SLC10A7: variants seen among roughly 807,000 people sequenced by gnomAD.
SLC10A7 encodes solute carrier family 10 member 7.
In SLC10A7, 29 loss-of-function variants were observed where a neutral mutation model predicts 43.2. The ratio of observed to expected loss-of-function variants is 0.67; its 90% confidence interval spans 0.50 to 0.92. The LOEUF is 0.92. Ranked by LOEUF, SLC10A7 falls within the 40% of genes least tolerant of loss-of-function variation. SLC10A7 has a pLI of 0.00. For missense variants in SLC10A7, 295 were observed against 403.2 expected (o/e 0.73, Z 2.30); for synonymous variants, 152 against 144.8 (o/e 1.05, Z -0.35).
At chr4:146,426,821 G>A (rs1465415069) in intron 5 of SLC10A7, among the ~76,000 whole-genome samples, 1 of 152,186 alleles carries the variant, frequency 6.6e-6, no homozygotes, top group Admixed American at 6.5e-5. Context: ...GTTGCAGTGA[G>A]CCAAGATAGC....
intron 4 of SLC10A7, among the ~76,000 whole-genome samples, chr4:146,457,123 A>C (rs1254664644): frequency 6.6e-6 from 1 of 151,922 alleles, no homozygotes; most frequent in East Asian, 1.9e-4. Context: ...TGTTCCAATA[A>C]AACTTTATCT....
intron 7 of SLC10A7, among the ~76,000 whole-genome samples, chr4:146,302,954 C>G: frequency 6.6e-6 from 1 of 152,162 alleles, no homozygotes; most frequent in South Asian, 2.1e-4. Context: ...GAATGAGATA[C>G]TTATACCCAC....
chr4:146,469,205 G>A (rs1417742092), intron 4 of SLC10A7, among the ~76,000 whole-genome samples: 4 of 152,178 alleles, frequency 2.6e-5, no homozygotes, highest in Admixed American at 2.0e-4. Flanking sequence ...TTCTCCAACT[G>A]TGGCCTTTCT....
At chr4:146,417,583 T>C (rs754512022) in intron 5 of SLC10A7, among the ~76,000 whole-genome samples, 15 of 152,308 alleles carry the variant, frequency 9.8e-5, no homozygotes, top group Non-Finnish European at 2.1e-4. Context: ...ATTTACAAAA[T>C]TCCCAATCCA....
chr4:146,495,494 G>C (rs1735801382), intron 4 of SLC10A7, among the ~76,000 whole-genome samples: 1 of 152,134 alleles, frequency 6.6e-6, no homozygotes, highest in Admixed American at 6.5e-5. Flanking sequence ...TCACTCATGA[G>C]TCAGAAATTG....
chr4:146,368,410 C>A (rs1326614254), intron 5 of SLC10A7, among the ~76,000 whole-genome samples: 1 of 152,164 alleles, frequency 6.6e-6, no homozygotes. Flanking sequence ...GGTACTGTTA[C>A]ATAGCTTTTC....
At chr4:146,509,097 C>T (rs1374765876) in intron 3 of SLC10A7, among the ~76,000 whole-genome samples, 1 of 152,156 alleles carries the variant, frequency 6.6e-6, no homozygotes, top group African/African-American at 2.4e-5. Flanking sequence ...AAAGCCTGCC[C>T]ACCCAACCAC....
chr4:146,315,583 A>G (rs1375311503), intron 6 of SLC10A7, among the ~76,000 whole-genome samples: 1 of 152,128 alleles, frequency 6.6e-6, no homozygotes, highest in Non-Finnish European at 1.5e-5. Context: ...CAAAAAATCT[A>G]CTACTATTTA....
At chr4:146,300,850 T>C (rs545812114) in intron 7 of SLC10A7, among the ~76,000 whole-genome samples, 3 of 152,328 alleles carry the variant, frequency 2.0e-5, no homozygotes, top group South Asian at 2.1e-4. Context: ...GTACCTACTA[T>C]ATACAGACCT....
At chr4:146,257,590 G>A (rs867125801) in intron 11 of SLC10A7, among the ~76,000 whole-genome samples, 1 of 152,196 alleles carries the variant, frequency 6.6e-6, no homozygotes, top group South Asian at 2.1e-4. Flanking sequence ...AATGGAGAGA[G>A]CAAAGCCTGC....
chr4:146,274,462 C>A (rs1020666434), intron 10 of SLC10A7, among the ~76,000 whole-genome samples: 3 of 152,068 alleles, frequency 2.0e-5, no homozygotes, highest in African/African-American at 7.2e-5. Flanking sequence ...CCTCCGCCCC[C>A]CAAAGTTCTG....
intron 5 of SLC10A7, among the ~76,000 whole-genome samples, chr4:146,436,046 T>TA (rs547478301): frequency 1.3e-5 from 2 of 151,772 alleles, no homozygotes; most frequent in Admixed American, 6.6e-5. Flanking sequence ...ATCATTGCTT[T>TA]AAAAAAAATC....
intron 4 of SLC10A7, among the ~76,000 whole-genome samples, chr4:146,472,154 C>CA (rs563105481): frequency 4.4e-4 from 66 of 150,876 alleles, no homozygotes; most frequent in African/African-American, 1.5e-3. Context: ...AATGAACGTG[C>CA]AAAAAAAATG....
chr4:146,468,424 T>C (rs1054707998), intron 4 of SLC10A7, among the ~76,000 whole-genome samples: 11 of 151,922 alleles, frequency 7.2e-5, no homozygotes, highest in Admixed American at 2.0e-4. Flanking sequence ...CATGAGGGCA[T>C]GGAGCAATGC....
chr4:146,308,969 G>T (rs776623854), intron 6 of SLC10A7, among the ~76,000 whole-genome samples: 1 of 152,078 alleles, frequency 6.6e-6, no homozygotes, highest in Non-Finnish European at 1.5e-5. Context: ...TGACACTGCG[G>T]ATACAACTGT....
chr4:146,432,802 G>C (rs1729876440), intron 5 of SLC10A7, among the ~76,000 whole-genome samples: 1 of 152,122 alleles, frequency 6.6e-6, no homozygotes, highest in South Asian at 2.1e-4. Flanking sequence ...AACTTTGGGA[G>C]GCCAAGGTGG....
intron 5 of SLC10A7, among the ~76,000 whole-genome samples, chr4:146,364,662 C>T (rs1019759577): frequency 2.6e-5 from 4 of 152,062 alleles, no homozygotes; most frequent in South Asian, 2.1e-4. Flanking sequence ...GATTGGTTAA[C>T]AGGTGCAAAA....
intron 5 of SLC10A7, among the ~76,000 whole-genome samples, chr4:146,364,264 A>G (rs572104156): frequency 2.6e-5 from 4 of 152,288 alleles, no homozygotes; most frequent in Middle Eastern, 3.4e-3. Context: ...ATTCCTGGAT[A>G]CATACAACCT....
intron 6 of SLC10A7, among the ~76,000 whole-genome samples, chr4:146,309,357 C>T (rs1437794363): frequency 6.6e-6 from 1 of 152,136 alleles, no homozygotes; most frequent in African/African-American, 2.4e-5. Context: ...CTTTCTACAT[C>T]TAGGGCAGTG....
Sources: gnomAD v4.1 joint callset for allele counts (sites outside exome capture counted in the v4.1 genomes callset) on GRCh38, gnomAD v4.1.1 for gene constraint, MANE v1.5 for transcripts, NCBI Gene and HGNC (gene_info 2026-07-23, HGNC 2026-07-21) for gene names.